The following OGFOD2 variants were observed in gnomAD, a reference collection of about 807,000 sequenced individuals.
OGFOD2 encodes the protein 2-oxoglutarate and iron dependent oxygenase domain containing 2.
OGFOD2 carries 34 observed loss-of-function variants against 31.1 expected under a neutral mutation model. The observed-to-expected ratio is 1.09, with a 90% confidence interval of 0.83 to 1.45. The LOEUF is 1.45. Among genes scored for constraint, OGFOD2 ranks in the 40% most tolerant of loss-of-function variants. The pLI is 0.00. For missense variants in OGFOD2, 537 were observed against 433.9 expected, an observed-to-expected ratio of 1.24 and a Z score of -2.11; for synonymous variants, 240 against 192.3, an observed-to-expected ratio of 1.25 and a Z score of -2.05.
chr12:122,978,244 GA>G, intron 4 of OGFOD2, 197 bp from the exon 5 acceptor site: 1 of 609,282 alleles, frequency 1.6e-6, no homozygotes, highest in Non-Finnish European at 2.8e-6. Context: ...AGAGTCTGGG[GA>G]AAGGTTCCGG....
At chr12:122,975,690 C>T in intron 1 of OGFOD2, 121 bp from the exon 2 acceptor site, 1 of 657,390 alleles carries the variant, frequency 1.5e-6, no homozygotes, top group Non-Finnish European at 2.8e-6. Context: ...AGTTCATTCT[C>T]TCCATGATCC....
intron 4 of OGFOD2, 148 bp from the exon 5 acceptor site, chr12:122,978,294 C>T (rs889501451): frequency 2.1e-5 from 20 of 975,262 alleles, no homozygotes; most frequent in African/African-American, 1.7e-4. Context: ...TCCCCTGCTC[C>T]TCATGTTACT....
intron 6 of OGFOD2, 32 bp downstream of exon 6, chr12:122,979,042 G>A (rs765445587): frequency 6.2e-7 from 1 of 1,605,656 alleles, no homozygotes. Context: ...CAGGGCCTGG[G>A]GCAGCTGTGA....
At chr12:122,976,055 G>A (rs1594094879) in intron 2 of OGFOD2, 188 bp downstream of exon 2, 4 of 599,328 alleles carry the variant, frequency 6.7e-6, no homozygotes, top group Non-Finnish European at 1.2e-5. Context: ...AAGGGGAAAT[G>A]CTAAGTTGCT....
At chr12:122,975,441 G>A (rs917431472) in intron 1 of OGFOD2, 58 bp downstream of exon 1, 3 of 630,718 alleles carry the variant, frequency 4.8e-6, no homozygotes, top group Non-Finnish European at 8.7e-6. Flanking sequence ...GTGGAGGAGG[G>A]AAGTTCGTCC....
At chr12:122,978,959 C>T (rs1364068573) in exon 6 of OGFOD2, 5 of 1,613,174 alleles carry the variant, frequency 3.1e-6, no homozygotes, top group Admixed American at 3.3e-5. Context: ...TCAATGTGGC[C>T]TTGGGCAAGG....
At chr12:122,978,635 C>A (rs1427615740) in intron 5 of OGFOD2, 66 bp downstream of exon 5, 20 of 1,595,794 alleles carry the variant, frequency 1.3e-5, no homozygotes, top group Non-Finnish European at 1.7e-5. Flanking sequence ...GTCAGAGGTT[C>A]TGCAGATGGG....
chr12:122,976,916 G>A (rs750431991), exon 4 of OGFOD2: 148 of 1,613,528 alleles, frequency 9.2e-5, no homozygotes, highest in Non-Finnish European at 1.1e-4. Flanking sequence ...TGAGTACAGC[G>A]TGTCCCCAGA....
exon 7 of OGFOD2, chr12:122,979,749 C>T (rs2037559604): frequency 4.6e-6 from 1 of 217,476 alleles, no homozygotes; most frequent in East Asian, 1.0e-4. Flanking sequence ...GGCAGGGTGC[C>T]TTCCAGTAGC....
chr12:122,975,830 G>A, exon 2 of OGFOD2: 1 of 702,984 alleles, frequency 1.4e-6, no homozygotes. Flanking sequence ...AGCCGAGGCT[G>A]TGTTAGCGCC....
At chr12:122,979,471 T>C in exon 7 of OGFOD2, 1 of 1,233,952 alleles carries the variant, frequency 8.1e-7, no homozygotes, top group Non-Finnish European at 1.1e-6. Flanking sequence ...AGCTTCTGGG[T>C]CATTCTATGG....
At chr12:122,978,937 C>T (rs370164713) in exon 6 of OGFOD2, 39 of 1,613,186 alleles carry the variant, frequency 2.4e-5, no homozygotes, top group Non-Finnish European at 2.6e-5. Context: ...TATGATAATG[C>T]CGAGCTCACC....
chr12:122,976,480 CT>C, intron 2 of OGFOD2, 173 bp from the exon 3 acceptor site: 1 of 1,502,520 alleles, frequency 6.7e-7, no homozygotes, highest in Non-Finnish European at 9.2e-7. Context: ...CTAGAAGTCC[CT>C]TTCAGCTAAC....
At position 122,979,162 on chromosome 12, in the gene OGFOD2, A is replaced by G. The variant is rs532954411; in HGVS notation, c.869A>G (p.His290Arg). The change falls in exon 7 of 7, where the codon CAT (histidine) becomes CGT (arginine). Residue 290 changes from histidine (H) to arginine (R), a missense_variant. Coordinates refer to ENST00000228922, the Ensembl canonical transcript of OGFOD2. ...GTCCTCCACCGTGGCGGCCAGCTGC[A>G]TGGAGCCCGGCCCTTGGGCACTGGT... 3.2e-5 allele frequency: 52 copies of G among 1,610,638 alleles called. No homozygotes were observed. In the East Asian group the frequency reaches 1.0e-3, roughly 32 times the overall value.
At chr12:122,979,887 G>A (rs1180653132) in exon 7 of OGFOD2, 2 of 263,754 alleles carry the variant, frequency 7.6e-6, no homozygotes, top group African/African-American at 4.4e-5. Flanking sequence ...CCAGGAACCA[G>A]GCTGCCCGGG....
exon 7 of OGFOD2, chr12:122,979,208 C>G (rs2037539436): frequency 6.2e-7 from 1 of 1,612,392 alleles, no homozygotes; most frequent in Non-Finnish European, 8.5e-7. Flanking sequence ...ACCTTGTCGT[C>G]TGGCTCCGAG....
chr12:122,975,853 C>A lies in OGFOD2; in HGVS notation c.175C>A (p.Gln59Lys), dbSNP rs528235578. Residue 59 changes from glutamine (Q) to lysine (K), a missense_variant, in exon 2 of 7, where the codon CAG (glutamine) becomes AAG (lysine). Gln to Lys is a moderately conservative substitution (Grantham distance 53). Coordinates refer to ENST00000228922, the Ensembl canonical transcript of OGFOD2. The stretch of plus-strand genomic sequence containing the variant: ...CTGTGTTAGCGCCAAGGACTTCCAG[C>A]AGCTGTTAGCAGAGGTACCAGTCCC... 4.3e-6 allele frequency: 3 copies of A among 703,008 alleles called. No individual in the cohort carries two copies. The Admixed American group carries it at 6.0e-5, about 14-fold the overall frequency. The allele number at this position is 703,008 out of a possible 1,614,324, so 43.5% of individuals were successfully genotyped here. A position where few individuals can be genotyped will look rare whatever the true frequency, so the allele number is the denominator to read the frequency against.
rs149798197 is a variant in OGFOD2 at position 122,976,381 on chromosome 12, G to C, written c.190-273G>C. The C allele has an allele frequency of 6.4e-3, 10,362 of 1,613,748 alleles. 62 individuals are homozygous for C. Among genetic ancestry groups the C allele is most frequent in the South Asian group, 0.017 (1,516 of 91,052 alleles). ...TTGGCCATGACTGTCTCCTGTCCCT[G>C]TGTGGGCCCAGATGGTTGAGGTACA... On this transcript the variant is annotated intron_variant, in intron 2 of 6. Transcript: ENST00000228922.
At chr12:122,977,668 C>T (rs1350135902) in intron 4 of OGFOD2, 2 of 156,650 alleles carry the variant, frequency 1.3e-5, no homozygotes, top group Admixed American at 6.1e-5. Context: ...GAAAGTGTTT[C>T]CTATTCTTAT....
Sources: allele counts gnomAD v4.1 joint callset, GRCh38; gene constraint gnomAD v4.1.1; transcripts MANE v1.5; gene names NCBI Gene and HGNC (gene_info 2026-07-23, HGNC 2026-07-21).